Variants in OR9Q1 observed in about 807,000 individuals in gnomAD.
OR9Q1 encodes the protein olfactory receptor family 9 subfamily Q member 1, also known as olfactory receptor 9Q1.
For missense variants in OR9Q1, 374 were observed against 378.8 expected (o/e 0.99, Z 0.11); for synonymous variants, 153 against 148.6 (o/e 1.03, Z -0.22).
At chr11:58,058,775 TGA>T (rs1741300836) in intron 2 of OR9Q1, among the ~76,000 whole-genome samples, 1 of 152,196 alleles carries the variant, frequency 6.6e-6, no homozygotes, top group Non-Finnish European at 1.5e-5. Flanking sequence ...CTGCAGCTGC[TGA>T]TCCAGCCACT....
intron 2 of OR9Q1, among the ~76,000 whole-genome samples, chr11:58,076,234 A>G (rs73476501): frequency 0.023 from 3,563 of 152,308 alleles, 152 homozygotes; most frequent in African/African-American, 0.081. Flanking sequence ...AGCAACACAA[A>G]TCTTATAATT....
At position 58,102,792 on chromosome 11, in the gene OR9Q1, G is replaced by A. The variant is rs80121666; in HGVS notation, c.-15+46845G>A. The stretch of plus-strand genomic sequence containing the variant: ...GGGACTTTTAAAGTTCCTGGATCTG[G>A]ATGTTCATATCTCTCTCAAGACTTT... On this transcript the variant is annotated intron_variant, in intron 2 of 2. Transcript: ENST00000335397. Among the ~76,000 whole-genome samples the A allele has an allele frequency of 1.6e-4, 25 of 152,128 alleles. No homozygotes were observed. The East Asian group carries it at 4.3e-3, about 26-fold the overall frequency.
At chr11:58,122,923 G>A (rs377684061) in intron 2 of OR9Q1, among the ~76,000 whole-genome samples, 31 of 150,448 alleles carry the variant, frequency 2.1e-4, no homozygotes, top group African/African-American at 7.6e-4. Flanking sequence ...AGCATACACC[G>A]TATTTTTGTG....
intron 2 of OR9Q1, among the ~76,000 whole-genome samples, chr11:58,152,371 A>C (rs1046186513): frequency 2.2e-4 from 33 of 152,224 alleles, no homozygotes; most frequent in African/African-American, 7.5e-4. Flanking sequence ...GGGCTGTTTC[A>C]ATTTGCAGTG....
chr11:58,031,419 G>T, intron 1 of OR9Q1: 1 of 1,614,110 alleles, frequency 6.2e-7, no homozygotes. Flanking sequence ...TGGCTGGTAG[G>T]TTTCCTCACA....
intron 2 of OR9Q1, among the ~76,000 whole-genome samples, chr11:58,084,763 G>C (rs1307084642): frequency 6.6e-6 from 1 of 151,640 alleles, no homozygotes; most frequent in East Asian, 1.9e-4. Context: ...AGAAACCCTC[G>C]ACAGACTAGG....
chr11:58,114,321 A>T (rs528880256), intron 2 of OR9Q1, among the ~76,000 whole-genome samples: 1 of 152,242 alleles, frequency 6.6e-6, no homozygotes, highest in South Asian at 2.1e-4. Flanking sequence ...ACCTAAGATG[A>T]TGCTTATGTA....
intron 2 of OR9Q1, among the ~76,000 whole-genome samples, chr11:58,164,373 T>A (rs1228553494): frequency 6.6e-6 from 1 of 151,628 alleles, no homozygotes; most frequent in Non-Finnish European, 1.5e-5. Context: ...GTGGTGGGGA[T>A]GGGGCAGGCG....
intron 1 of OR9Q1, among the ~76,000 whole-genome samples, chr11:58,045,794 C>A (rs1420919905): frequency 6.6e-6 from 1 of 152,166 alleles, no homozygotes; most frequent in Non-Finnish European, 1.5e-5. Flanking sequence ...CAAACACTAC[C>A]TAAGCCTCAG....
At chr11:58,075,957 C>G (rs1353366495) in intron 2 of OR9Q1, among the ~76,000 whole-genome samples, 1 of 152,192 alleles carries the variant, frequency 6.6e-6, no homozygotes, top group Admixed American at 6.5e-5. Flanking sequence ...ATCTATGACT[C>G]ATAGTACAAA....
At chr11:58,126,951 T>C (rs73480801) in intron 2 of OR9Q1, among the ~76,000 whole-genome samples, 4,625 of 152,210 alleles carry the variant, frequency 0.03, 224 homozygotes, top group African/African-American at 0.1. Flanking sequence ...AATATTGTTA[T>C]TGTTATTGTT....
intron 2 of OR9Q1, among the ~76,000 whole-genome samples, chr11:58,081,428 C>T (rs1433580031): frequency 1.3e-5 from 2 of 152,150 alleles, no homozygotes; most frequent in Non-Finnish European, 2.9e-5. Flanking sequence ...ATTTACACTC[C>T]CACCAGCAGT....
intron 2 of OR9Q1, among the ~76,000 whole-genome samples, chr11:58,153,581 T>A (rs1010500982): frequency 8.5e-5 from 13 of 152,114 alleles, no homozygotes; most frequent in African/African-American, 3.1e-4. Flanking sequence ...CAAGAGAAAT[T>A]TGAAAGTGAA....
rs12796166 is a variant in OR9Q1, at chr11:58,113,948, T to A, written c.-15+58001T>A. On this transcript the variant is annotated intron_variant, in intron 2 of 2. Transcript: ENST00000335397. The stretch of plus-strand genomic sequence containing the variant: ...TGGTCCTTGTGCTCCTGTGAAGAGC[T>A]TCTGTGAAGAACTGTTAATATTTCT... Among the ~76,000 whole-genome samples, 5 of 152,038 alleles carry A rather than the reference T, an allele frequency of 3.3e-5. No individual in the cohort carries two copies. In the South Asian group the frequency reaches 6.2e-4, roughly 19 times the overall value.
At chr11:58,045,582 T>C (rs1047636523) in intron 1 of OR9Q1, among the ~76,000 whole-genome samples, 1 of 152,116 alleles carries the variant, frequency 6.6e-6, no homozygotes, top group African/African-American at 2.4e-5. Flanking sequence ...TAAGACAATG[T>C]AAGTGAAGTC....
At chr11:58,061,140 G>C (rs1853377345) in intron 2 of OR9Q1, among the ~76,000 whole-genome samples, 1 of 152,060 alleles carries the variant, frequency 6.6e-6, no homozygotes, top group Non-Finnish European at 1.5e-5. Context: ...AGGCTCCTCA[G>C]GTCAGTGCAG....
intron 1 of OR9Q1, among the ~76,000 whole-genome samples, chr11:58,052,765 A>T (rs748467905): frequency 2.7e-5 from 4 of 150,522 alleles, no homozygotes; most frequent in Non-Finnish European, 4.4e-5. Context: ...AAAAACAAAC[A>T]ACCCCATCAA....
intron 2 of OR9Q1, among the ~76,000 whole-genome samples, chr11:58,061,869 G>A (rs533486429): frequency 9.9e-5 from 15 of 152,132 alleles, no homozygotes; most frequent in Admixed American, 6.6e-5. Flanking sequence ...GAAATGTCTC[G>A]GTTCACACCC....
intron 2 of OR9Q1, among the ~76,000 whole-genome samples, chr11:58,090,329 C>T (rs1428410420): frequency 6.6e-6 from 1 of 152,150 alleles, no homozygotes; most frequent in Admixed American, 6.5e-5. Flanking sequence ...CCATCAATAC[C>T]TAGTTTACTG....
Sources: allele counts gnomAD v4.1 joint callset (sites outside exome capture counted in the v4.1 genomes callset), GRCh38; gene constraint gnomAD v4.1.1; transcripts MANE v1.5; gene names NCBI Gene and HGNC (gene_info 2026-07-23, HGNC 2026-07-21).